The following RAD54L2 variants were observed in gnomAD, a reference collection of about 807,000 sequenced individuals.
RAD54L2 encodes RAD54 like 2.
A neutral mutation model predicts 138.4 loss-of-function variants in RAD54L2; 27 were observed. That is an observed-to-expected ratio of 0.20 (90% CI 0.14 to 0.27). The LOEUF (loss-of-function observed/expected upper bound fraction) is 0.27. RAD54L2 is among the 10% of genes least tolerant of loss of function. The probability of loss-of-function intolerance (pLI) is 1.00; values close to 1 mark genes in which losing one functional copy is unlikely to be tolerated. For synonymous variants in RAD54L2, 644 were observed against 723.2 expected (o/e 0.89, Z 1.76); for missense variants, 1,396 against 1,890.2 (o/e 0.74, Z 4.85).
In RAD54L2 at chr3:51,638,435, A is replaced by C; in HGVS notation, c.1860+114A>C. 8.0e-7 allele frequency: 1 copy of C among 1,247,700 alleles called. No homozygotes were observed. The highest frequency in any genetic ancestry group is 2.8e-4 in the Middle Eastern group (1 of 3,564). The allele number at this position is 1,247,700 out of a possible 1,614,324, so 77.3% of individuals were successfully genotyped here. A position where few individuals can be genotyped will look rare whatever the true frequency, so the allele number is the denominator to read the frequency against. ...AGGGAGAATAAAGTGAGAGGGGGCCACCTCAGTTCACTGCACTGGAGGTTT... is the reference window on the plus strand; with the variant it reads ...AGGGAGAATAAAGTGAGAGGGGGCCCCCTCAGTTCACTGCACTGGAGGTTT... On this transcript the variant is annotated intron_variant, in intron 12 of 22. Transcript: ENST00000684192. This position sits in a 1 kb window ranked among gnomAD's most constrained non-coding sequence, Gnocchi z 4.3.
chr3:51,568,015 G>A (rs1018676988), intron 2 of RAD54L2, among the ~76,000 whole-genome samples: 1 of 151,598 alleles, frequency 6.6e-6, no homozygotes, highest in Non-Finnish European at 1.5e-5. Context: ...ATGCTGACAC[G>A]TAACTCCTGT....
rs1386232147 is a variant in RAD54L2 at position 51,640,011 on chromosome 3, A to G, written c.2231+12A>G. The stretch of plus-strand genomic sequence containing the variant: ...ATCCTTGTGTTTAGGTAGGATGAGA[A>G]ACTTCCATTTGAGGCTGTGTGTCTA... On this transcript the variant is annotated intron_variant, in intron 14 of 22. Coordinates refer to ENST00000684192, the MANE Select transcript of RAD54L2 (RefSeq NM_015106.4). The G allele has an allele frequency of 2.6e-6, 4 of 1,558,354 alleles. No homozygotes were observed. The highest frequency in any genetic ancestry group is 1.7e-5 in the Admixed American group (1 of 58,466).
chr3:51,661,918 A>G (rs1448877803), intron 22 of RAD54L2, among the ~76,000 whole-genome samples: 1 of 152,218 alleles, frequency 6.6e-6, no homozygotes, highest in Non-Finnish European at 1.5e-5. Context: ...TAGCCACAAT[A>G]TCATTATTAC....
intron 2 of RAD54L2, among the ~76,000 whole-genome samples, chr3:51,587,474 G>T (rs529404958): frequency 1.7e-4 from 26 of 152,098 alleles, no homozygotes; most frequent in Non-Finnish European, 3.1e-4. Context: ...TTAACTATAT[G>T]AATTTGTATT....
At chr3:51,566,693 G>A (rs917409681) in intron 2 of RAD54L2, among the ~76,000 whole-genome samples, 8 of 151,564 alleles carry the variant, frequency 5.3e-5, no homozygotes, top group Admixed American at 3.3e-4. Flanking sequence ...TTAGTTCCTC[G>A]TGCGTTTGTA....
intron 19 of RAD54L2, among the ~76,000 whole-genome samples, chr3:51,652,459 T>C (rs972552793): frequency 3.1e-4 from 47 of 152,242 alleles, no homozygotes; most frequent in Non-Finnish European, 5.7e-4. Context: ...AAAAAGAGCC[T>C]GCATTGCCAA....
At chr3:51,575,571 G>A (rs898660956) in intron 2 of RAD54L2, among the ~76,000 whole-genome samples, 5 of 152,130 alleles carry the variant, frequency 3.3e-5, no homozygotes, top group Non-Finnish European at 7.3e-5. Flanking sequence ...CACATCCCTT[G>A]TAAGTTGGAT....
chr3:51,636,654 A>G (rs1051044308), intron 10 of RAD54L2, among the ~76,000 whole-genome samples: 1 of 152,230 alleles, frequency 6.6e-6, no homozygotes, highest in African/African-American at 2.4e-5. Flanking sequence ...TAAAGTAAGG[A>G]AAGGAACGGA....
At chr3:51,553,817 A>T (rs1698901063) in intron 2 of RAD54L2, among the ~76,000 whole-genome samples, 1 of 152,000 alleles carries the variant, frequency 6.6e-6, no homozygotes, top group Non-Finnish European at 1.5e-5. Flanking sequence ...GGGCGACAGA[A>T]CAAGATCCTG....
At chr3:51,575,768 A>G (rs1699466982) in intron 2 of RAD54L2, among the ~76,000 whole-genome samples, 1 of 152,150 alleles carries the variant, frequency 6.6e-6, no homozygotes, top group Non-Finnish European at 1.5e-5. Flanking sequence ...GGGGTTTTCT[A>G]AGTATACAAT....
At position 51,642,541 on chromosome 3, in the gene RAD54L2, TG is replaced by T. The variant is rs534786956; in HGVS notation, c.2350+677del. Among the ~76,000 whole-genome samples, 21 of 152,252 alleles carry T rather than the reference TG, an allele frequency of 1.4e-4. No homozygotes were observed. The South Asian group carries it at 2.9e-3, about 21-fold the overall frequency. On this transcript the variant is annotated intron_variant, in intron 15 of 22. Coordinates refer to ENST00000684192, the MANE Select transcript of RAD54L2 (RefSeq NM_015106.4). Reference sequence around the variant, plus strand: ...TACAGACCTCAGCACTGCTGACATTTGGGCCAGATAATTCTTTGTTATAAGG... The same window carrying T: ...TACAGACCTCAGCACTGCTGACATTTGGCCAGATAATTCTTTGTTATAAGG...
chr3:51,643,489 C>T (rs1019636917), intron 15 of RAD54L2, among the ~76,000 whole-genome samples: 1 of 152,358 alleles, frequency 6.6e-6, no homozygotes, highest in South Asian at 2.1e-4. Flanking sequence ...GGAACATCAT[C>T]CATATCAAAA....
chr3:51,572,261 C>T (rs979301399), intron 2 of RAD54L2, among the ~76,000 whole-genome samples: 4 of 152,034 alleles, frequency 2.6e-5, no homozygotes, highest in African/African-American at 4.8e-5. Flanking sequence ...CCAGCCTGGC[C>T]AACATGGTGA....
chr3:51,558,012 A>T (rs1426654936), intron 2 of RAD54L2, among the ~76,000 whole-genome samples: 21 of 151,706 alleles, frequency 1.4e-4, no homozygotes, highest in Non-Finnish European at 1.5e-5. Flanking sequence ...TGCCCAGCTA[A>T]TTTTTGTATA....
intron 2 of RAD54L2, among the ~76,000 whole-genome samples, chr3:51,546,989 A>G (rs1553672438): frequency 6.6e-6 from 1 of 152,096 alleles, no homozygotes; most frequent in African/African-American, 2.4e-5. Flanking sequence ...AGATCTCACC[A>G]CTGCACTCCA....
At chr3:51,644,927 C>A in intron 16 of RAD54L2, 97 bp from the exon 17 acceptor site, 1 of 1,214,584 alleles carries the variant, frequency 8.2e-7, no homozygotes, top group Non-Finnish European at 1.2e-6. Context: ...GGGCTTAGGA[C>A]AGAGTAATAT....
intron 3 of RAD54L2, among the ~76,000 whole-genome samples, chr3:51,620,431 T>G (rs956545309): frequency 6.8e-6 from 1 of 146,532 alleles, no homozygotes; most frequent in African/African-American, 2.5e-5. Flanking sequence ...TTTTTTTTTT[T>G]AACTTTTAGG....
In RAD54L2 at chr3:51,612,405, T is replaced by A. The variant is rs377243015; in HGVS notation, c.140-15148T>A. On this transcript the variant is annotated intron_variant, in intron 3 of 22. Coordinates refer to ENST00000684192, the MANE Select transcript of RAD54L2 (RefSeq NM_015106.4). ...TGAACCTAGGAGGTGGAGGTTGTGG[T>A]GAGCTGAGATTGCACCACTGCACTC... Among the ~76,000 whole-genome samples, 17 of 152,294 alleles carry A rather than the reference T, an allele frequency of 1.1e-4. No homozygotes were observed. The East Asian group carries it at 2.7e-3, about 24-fold the overall frequency.
At chr3:51,597,227 A>G (rs989216424) in intron 3 of RAD54L2, among the ~76,000 whole-genome samples, 1 of 151,936 alleles carries the variant, frequency 6.6e-6, no homozygotes, top group Non-Finnish European at 1.5e-5. Context: ...GAATTTTATA[A>G]CAAATCAAAG....
Sources: gnomAD v4.1 joint callset for allele counts (sites outside exome capture counted in the v4.1 genomes callset) on GRCh38, gnomAD v4.1.1 for gene constraint, Gnocchi (gnomAD v3.1) non-coding constraint, MANE v1.5 for transcripts, NCBI Gene and HGNC (gene_info 2026-07-23, HGNC 2026-07-21) for gene names.